Variants in GRIP1 observed in about 807,000 individuals in gnomAD.
The protein encoded by GRIP1 is glutamate receptor interacting protein 1.
Under a neutral mutation model 129.9 loss-of-function variants are expected in GRIP1, and 45 were observed. That is an observed-to-expected ratio of 0.35 (90% CI 0.27 to 0.44). The LOEUF (loss-of-function observed/expected upper bound fraction) is 0.44, where lower values mean the gene tolerates loss of function less well. Ranked by LOEUF, GRIP1 falls within the 20% of genes least tolerant of loss-of-function variation. GRIP1 has a pLI of 1.00. For missense variants in GRIP1, 1,196 were observed against 1,396.8 expected (o/e 0.86, Z 2.29); for synonymous variants, 530 against 520.8 (o/e 1.02, Z -0.24).
intron 1 of GRIP1, among the ~76,000 whole-genome samples, chr12:66,820,702 A>G (rs759495626): frequency 3.3e-5 from 5 of 152,186 alleles, no homozygotes; most frequent in Non-Finnish European, 7.3e-5. Context: ...AAGCCATGAA[A>G]AGAAATGAAG....
At chr12:66,852,138 T>C (rs2039923491) in intron 1 of GRIP1, among the ~76,000 whole-genome samples, 1 of 152,088 alleles carries the variant, frequency 6.6e-6, no homozygotes, top group Non-Finnish European at 1.5e-5. Flanking sequence ...TAAAGAAAGA[T>C]GTCTATAAAA....
At chr12:66,460,645 T>G (rs1320389768) in intron 9 of GRIP1, among the ~76,000 whole-genome samples, 1 of 152,222 alleles carries the variant, frequency 6.6e-6, no homozygotes, top group Non-Finnish European at 1.5e-5. Flanking sequence ...GTTGAGATAT[T>G]CATTTCCACA....
At chr12:66,396,075 A>T (rs183504522) in intron 16 of GRIP1, among the ~76,000 whole-genome samples, 169 of 152,312 alleles carry the variant, frequency 1.1e-3, no homozygotes, top group African/African-American at 3.9e-3. Flanking sequence ...AATATCCTGG[A>T]TGAAATTCTG....
At chr12:67,038,388 T>C (rs368085626) in intron 1 of GRIP1, among the ~76,000 whole-genome samples, 1 of 152,228 alleles carries the variant, frequency 6.6e-6, no homozygotes. Flanking sequence ...TTGGTGTTTG[T>C]GGCTTGCAAT....
At chr12:66,460,055 T>C (rs2059089190) in intron 9 of GRIP1, among the ~76,000 whole-genome samples, 2 of 152,186 alleles carry the variant, frequency 1.3e-5, no homozygotes, top group Non-Finnish European at 2.9e-5. Context: ...GAGGCAAGTA[T>C]TATTATGACC....
intron 1 of GRIP1, among the ~76,000 whole-genome samples, chr12:66,713,694 T>C (rs979508628): frequency 5.9e-5 from 9 of 152,042 alleles, no homozygotes; most frequent in African/African-American, 2.2e-4. Context: ...TTCTCTCTCA[T>C]AGAGTTAATT....
intron 1 of GRIP1, among the ~76,000 whole-genome samples, chr12:66,598,155 A>G (rs2064129319): frequency 1.3e-5 from 2 of 152,200 alleles, no homozygotes; most frequent in South Asian, 4.1e-4. Context: ...ATCTGAGAAT[A>G]TTAATTCTCC....
At chr12:66,746,542 G>A (rs963407802) in intron 1 of GRIP1, among the ~76,000 whole-genome samples, 2 of 152,146 alleles carry the variant, frequency 1.3e-5, no homozygotes, top group South Asian at 4.1e-4. Context: ...CAAGAAAGCT[G>A]TTGTTAAGGC....
chr12:66,887,959 G>C (rs1009959919), intron 1 of GRIP1, among the ~76,000 whole-genome samples: 1 of 152,172 alleles, frequency 6.6e-6, no homozygotes, highest in Admixed American at 6.5e-5. Flanking sequence ...GCTTCAAAAA[G>C]CTTTTAACAA....
chr12:67,042,913 G>A (rs144830550), intron 1 of GRIP1, among the ~76,000 whole-genome samples: 1 of 152,324 alleles, frequency 6.6e-6, no homozygotes, highest in Non-Finnish European at 1.5e-5. Context: ...CATGCAAGTT[G>A]CAACTGAGTA....
intron 1 of GRIP1, among the ~76,000 whole-genome samples, chr12:67,055,653 A>G (rs1592523821): frequency 6.6e-6 from 1 of 152,256 alleles, no homozygotes; most frequent in South Asian, 2.1e-4. Flanking sequence ...ATGCAAGAAT[A>G]TACAAGTACA....
chr12:67,058,676 C>G (rs2043478534), intron 1 of GRIP1, among the ~76,000 whole-genome samples: 3 of 152,216 alleles, frequency 2.0e-5, no homozygotes, highest in Admixed American at 2.0e-4. Flanking sequence ...CTGTTCAAAA[C>G]TACTTGTCAG....
At chr12:66,895,374 C>G (rs2040729812) in intron 1 of GRIP1, among the ~76,000 whole-genome samples, 1 of 152,180 alleles carries the variant, frequency 6.6e-6, no homozygotes, top group Non-Finnish European at 1.5e-5. Context: ...TAAGATATGC[C>G]TTTGCTCCTC....
intron 1 of GRIP1, among the ~76,000 whole-genome samples, chr12:66,896,858 T>C (rs2040758273): frequency 6.6e-6 from 1 of 152,208 alleles, no homozygotes; most frequent in Admixed American, 6.5e-5. Flanking sequence ...GGTTCCAAGA[T>C]TTCAAAAACA....
At chr12:66,992,706 C>T (rs1592439745) in intron 1 of GRIP1, among the ~76,000 whole-genome samples, 2 of 152,152 alleles carry the variant, frequency 1.3e-5, no homozygotes, top group Non-Finnish European at 2.9e-5. Flanking sequence ...TGAAATTATA[C>T]AAAGCATATT....
Position 66,406,353 on chromosome 12 carries a change from A to G in GRIP1, c.1914T>C (p.Asp638=), listed in dbSNP as rs745892894. The G allele has an allele frequency of 1.2e-6, 2 of 1,613,996 alleles. No individual in the cohort carries two copies. The highest frequency in any genetic ancestry group is 1.7e-6 in the Non-Finnish European group (2 of 1,179,832). ...NIRLDNCSME[D]AVQILQQCED... Reference sequence around the variant, plus strand: ...CACATTGCTGGAGGATCTGAACTGCATCTTCCATGGAACAGTTGTCCAGCC... The same window carrying G: ...CACATTGCTGGAGGATCTGAACTGCGTCTTCCATGGAACAGTTGTCCAGCC... Residue 638 remains aspartate (D), a synonymous_variant, in exon 16 of 25, where the codon GAT becomes GAC. Transcript: ENST00000359742.
chr12:66,812,009 T>G (rs542385051), intron 1 of GRIP1, among the ~76,000 whole-genome samples: 5 of 152,330 alleles, frequency 3.3e-5, no homozygotes, highest in African/African-American at 1.2e-4. Context: ...TAGCTATGAT[T>G]TACAAGCAAA....
At chr12:66,707,836 C>A (rs1481042860) in intron 1 of GRIP1, among the ~76,000 whole-genome samples, 1 of 151,856 alleles carries the variant, frequency 6.6e-6, no homozygotes, top group Non-Finnish European at 1.5e-5. Flanking sequence ...TTACTGTTTT[C>A]CTGAATAATA....
At chr12:66,570,209 C>T (rs10878454) in intron 2 of GRIP1, among the ~76,000 whole-genome samples, 17,944 of 152,100 alleles carry the variant, frequency 0.12, 1,158 homozygotes, top group East Asian at 0.19. Context: ...CCTTGAATTC[C>T]TGGGCTCAAG....
Sources: gnomAD v4.1 joint callset for allele counts (sites outside exome capture counted in the v4.1 genomes callset) on GRCh38, gnomAD v4.1.1 for gene constraint, MANE v1.5 for transcripts, NCBI Gene and HGNC (gene_info 2026-07-23, HGNC 2026-07-21) for gene names.